NKAIN2: variants seen among roughly 807,000 people sequenced by gnomAD.
The protein encoded by NKAIN2 is sodium/potassium transporting ATPase interacting 2.
Under a neutral mutation model 32.6 loss-of-function variants are expected in NKAIN2, and 14 were observed. The observed-to-expected ratio is 0.43, with a 90% CI of 0.28 to 0.67. The LOEUF (loss-of-function observed/expected upper bound fraction) is 0.67, where lower values mean the gene tolerates loss of function less well. Ranked by LOEUF, NKAIN2 falls within the 30% of genes least tolerant of loss-of-function variation. The pLI is 0.17. For synonymous variants in NKAIN2, 80 were observed against 87.2 expected, an observed-to-expected ratio of 0.92 and a Z score of 0.46; for missense variants, 198 against 258.3, an observed-to-expected ratio of 0.77 and a Z score of 1.60.
intron 1 of NKAIN2, among the ~76,000 whole-genome samples, chr6:124,253,409 A>G (rs980366687): frequency 3.3e-5 from 5 of 152,200 alleles, no homozygotes; most frequent in Non-Finnish European, 7.3e-5. Context: ...GTCTTTTGCA[A>G]ATAGTGATGA....
intron 1 of NKAIN2, among the ~76,000 whole-genome samples, chr6:123,826,856 A>AT (rs1189215646): frequency 6.6e-6 from 1 of 152,140 alleles, no homozygotes; most frequent in Non-Finnish European, 1.5e-5. Flanking sequence ...TTGGGTGTAT[A>AT]TCCAGAAGTG....
At chr6:123,821,169 C>A (rs114877985) in intron 1 of NKAIN2, among the ~76,000 whole-genome samples, 1 of 152,108 alleles carries the variant, frequency 6.6e-6, no homozygotes, top group Non-Finnish European at 1.5e-5. Flanking sequence ...GTATAAAAAA[C>A]GCTGACCTGA....
chr6:124,070,226 T>G (rs190143884), intron 1 of NKAIN2, among the ~76,000 whole-genome samples: 6 of 152,314 alleles, frequency 3.9e-5, no homozygotes, highest in Non-Finnish European at 1.5e-5. Flanking sequence ...TTTAGAAAAC[T>G]AATGAATCTG....
intron 3 of NKAIN2, among the ~76,000 whole-genome samples, chr6:124,502,220 A>G (rs974402739): frequency 1.3e-5 from 2 of 152,212 alleles, no homozygotes; most frequent in Non-Finnish European, 2.9e-5. Context: ...AAGAGATAGT[A>G]GCATGCCAGG....
chr6:124,552,745 G>T (rs1034575884), intron 3 of NKAIN2, among the ~76,000 whole-genome samples: 1 of 152,170 alleles, frequency 6.6e-6, no homozygotes, highest in Non-Finnish European at 1.5e-5. Context: ...ATATTAGCTT[G>T]TTGGGAAAAA....
chr6:124,282,925 T>G (rs898499841), intron 1 of NKAIN2, 80 bp from the exon 2 acceptor site: 7 of 1,201,712 alleles, frequency 5.8e-6, no homozygotes, highest in Non-Finnish European at 7.3e-6. Context: ...ATTATGTTAT[T>G]AATAATTTTA....
At chr6:123,956,337 C>A (rs570318374) in intron 1 of NKAIN2, among the ~76,000 whole-genome samples, 7 of 152,104 alleles carry the variant, frequency 4.6e-5, no homozygotes, top group Non-Finnish European at 1.0e-4. Context: ...GGAAACAGAA[C>A]CTTAAAAATG....
chr6:124,504,444 T>C (rs1016589589), intron 3 of NKAIN2, among the ~76,000 whole-genome samples: 5 of 152,194 alleles, frequency 3.3e-5, no homozygotes, highest in Admixed American at 6.5e-5. Context: ...TGCATTAAAG[T>C]GATTACAAAA....
chr6:123,806,724 T>C (rs1773231767), intron 1 of NKAIN2, among the ~76,000 whole-genome samples: 1 of 152,064 alleles, frequency 6.6e-6, no homozygotes, highest in Admixed American at 6.5e-5. Context: ...GTGTTTAGTA[T>C]GTGTTCTTGT....
chr6:124,316,102 A>G (rs1295464040), intron 2 of NKAIN2, among the ~76,000 whole-genome samples: 1 of 152,022 alleles, frequency 6.6e-6, no homozygotes, highest in African/African-American at 2.4e-5. Flanking sequence ...TTTTTTTTGT[A>G]TATTTGAAAA....
intron 3 of NKAIN2, among the ~76,000 whole-genome samples, chr6:124,542,418 C>G (rs1779945113): frequency 6.6e-6 from 1 of 151,946 alleles, no homozygotes; most frequent in Admixed American, 6.6e-5. Flanking sequence ...TATTTTTAGC[C>G]TCAACTAAAT....
intron 1 of NKAIN2, among the ~76,000 whole-genome samples, chr6:124,073,533 AGATTTCCCTCCCCAGCT>A (rs2114886340): frequency 6.6e-6 from 1 of 152,312 alleles, no homozygotes; most frequent in East Asian, 1.9e-4. Context: ...AAAGAGTCAT[AGATTTCCCTCCCCAGCT>A]GAGAGCCATG....
At chr6:124,282,449 C>T (rs1040475382) in intron 1 of NKAIN2, among the ~76,000 whole-genome samples, 1 of 146,148 alleles carries the variant, frequency 6.8e-6, no homozygotes, top group African/African-American at 2.6e-5. Context: ...CTTCATTTCA[C>T]AGACGAGGGC....
chr6:124,231,310 C>T (rs547403958), intron 1 of NKAIN2, among the ~76,000 whole-genome samples: 31 of 152,182 alleles, frequency 2.0e-4, no homozygotes, highest in Admixed American at 7.2e-4. Context: ...GGCTCATAGG[C>T]GGAGGAAGGG....
At chr6:123,959,923 ATATGTGTGTG>A (rs1422938688) in intron 1 of NKAIN2, among the ~76,000 whole-genome samples, 8 of 124,978 alleles carry the variant, frequency 6.4e-5, no homozygotes, top group South Asian at 2.9e-4. Flanking sequence ...TGTCTTCCAT[ATATGTGTGTG>A]TGTGTGTGTG....
chr6:124,021,328 T>C (rs1780856909), intron 1 of NKAIN2, among the ~76,000 whole-genome samples: 1 of 152,048 alleles, frequency 6.6e-6, no homozygotes. Flanking sequence ...TTTTGAAAGG[T>C]GGTTACAAAC....
intron 3 of NKAIN2, among the ~76,000 whole-genome samples, chr6:124,646,531 C>G (rs1784175473): frequency 6.6e-6 from 1 of 151,892 alleles, no homozygotes; most frequent in South Asian, 2.1e-4. Flanking sequence ...AATTAAAGGG[C>G]CCATATATTG....
At chr6:124,250,917 G>A (rs921945044) in intron 1 of NKAIN2, among the ~76,000 whole-genome samples, 1 of 151,942 alleles carries the variant, frequency 6.6e-6, no homozygotes, top group East Asian at 1.9e-4. Flanking sequence ...TAAGGACTTG[G>A]TATCATCTGA....
At chr6:124,648,815 T>C (rs1487218487) in intron 3 of NKAIN2, among the ~76,000 whole-genome samples, 1 of 152,000 alleles carries the variant, frequency 6.6e-6, no homozygotes, top group Non-Finnish European at 1.5e-5. Context: ...CCAAAAAATG[T>C]GAAGAAATCA....
Sources: allele counts gnomAD v4.1 joint callset (sites outside exome capture counted in the v4.1 genomes callset), GRCh38; gene constraint gnomAD v4.1.1; transcripts MANE v1.5; gene names NCBI Gene and HGNC (gene_info 2026-07-23, HGNC 2026-07-21).